IFT81: variants seen among roughly 807,000 people sequenced by gnomAD.
IFT81 encodes the protein intraflagellar transport 81, also known as intraflagellar transport protein 81 homolog.
In IFT81, 72 loss-of-function variants were observed where a neutral mutation model predicts 102.6. The observed-to-expected ratio is 0.70, with a 90% confidence interval of 0.58 to 0.85. The LOEUF (loss-of-function observed/expected upper bound fraction) is 0.85. Among genes scored for constraint, IFT81 ranks in the 40% least tolerant of loss-of-function variants. IFT81 has a pLI of 0.00. For synonymous variants in IFT81, 237 were observed against 242.7 expected (o/e 0.98, Z 0.22); for missense variants, 723 against 787.3 (o/e 0.92, Z 0.98).
At chr12:110,191,146 T>G (rs1593356757) in intron 13 of IFT81, 98 bp downstream of exon 13, 1 of 1,074,360 alleles carries the variant, frequency 9.3e-7, no homozygotes, top group East Asian at 2.6e-5. Flanking sequence ...CCTGTTAATT[T>G]CTGCACATTA....
At chr12:110,159,026 T>A (rs2137425656) in intron 10 of IFT81, among the ~76,000 whole-genome samples, 1 of 152,310 alleles carries the variant, frequency 6.6e-6, no homozygotes, top group African/African-American at 2.4e-5. Context: ...CTGGCTGTGA[T>A]TTTTTTGATT....
In IFT81 at chr12:110,129,089, G is replaced by A. The variant is rs747422321; in HGVS notation, c.388G>A (p.Glu130Lys). The A allele has an allele frequency of 8.7e-6, 14 of 1,604,512 alleles. No individual in the cohort carries two copies. The highest frequency in any genetic ancestry group is 1.2e-5 in the Non-Finnish European group (14 of 1,177,466). ...RFLIKLEVPS[E>K]FLQDETVADT... Reference sequence around the variant, plus strand: ...TTTAATAAAACTTGAGGTACCAAGTGAGTTTCTTCAGGATGAAACTGTGGC... The same window carrying A: ...TTTAATAAAACTTGAGGTACCAAGTAAGTTTCTTCAGGATGAAACTGTGGC... The change falls in exon 4 of 19, where the codon GAG (glutamate) becomes AAG (lysine). Residue 130 changes from glutamate to lysine, a missense_variant. Transcript: ENST00000242591.
intron 13 of IFT81, among the ~76,000 whole-genome samples, chr12:110,192,000 G>A (rs1051042872): frequency 3.9e-5 from 6 of 151,902 alleles, no homozygotes; most frequent in Admixed American, 1.3e-4. Flanking sequence ...GTGAAATCCC[G>A]TCTCTACTAA....
At chr12:110,205,714 T>C (rs1163138788) in intron 17 of IFT81, 34 bp downstream of exon 17, 7 of 1,321,942 alleles carry the variant, frequency 5.3e-6, no homozygotes, top group African/African-American at 1.5e-5. Context: ...TTGAGATACT[T>C]AATATTTTCA....
rs184733222 is a variant in IFT81, at chr12:110,192,421, G to A, written c.1468-196G>A. ...TTACAGTCTTGAGAACTGACGTTTT[G>A]AATGATTAAATAGTATAGTATTCCA... is the stretch of plus-strand genomic sequence containing the variant. On this transcript the variant is annotated intron_variant, in intron 13 of 18. Transcript: ENST00000242591. 5.2e-3 allele frequency among the ~76,000 whole-genome samples: 798 copies of A among 152,200 alleles called. 11 individuals are homozygous for A. Among genetic ancestry groups the A allele is most frequent in the Non-Finnish European group, 4.4e-3 (299 of 68,014 alleles).
At chr12:110,182,101 C>G (rs1897329769) in intron 12 of IFT81, among the ~76,000 whole-genome samples, 1 of 152,130 alleles carries the variant, frequency 6.6e-6, no homozygotes, top group South Asian at 2.1e-4. Flanking sequence ...AGGGCACTCT[C>G]TGGAGAAAGG....
chr12:110,190,425 G>A (rs1897740443), intron 12 of IFT81, among the ~76,000 whole-genome samples: 1 of 151,952 alleles, frequency 6.6e-6, no homozygotes, highest in Non-Finnish European at 1.5e-5. Flanking sequence ...CCACCTTCTG[G>A]TTATACTATA....
intron 10 of IFT81, among the ~76,000 whole-genome samples, chr12:110,156,697 A>C (rs1315840023): frequency 1.3e-5 from 2 of 152,024 alleles, no homozygotes; most frequent in African/African-American, 2.4e-5. Context: ...GGGTTTTGCC[A>C]CGTTGGCCAG....
At chr12:110,127,611 C>A in intron 2 of IFT81, 87 bp downstream of exon 2, 1 of 1,166,108 alleles carries the variant, frequency 8.6e-7, no homozygotes, top group Non-Finnish European at 1.2e-6. Context: ...CATTATTTAA[C>A]CTCTCTGAGC....
intron 14 of IFT81, among the ~76,000 whole-genome samples, chr12:110,199,549 A>G (rs1898166382): frequency 6.6e-6 from 1 of 152,154 alleles, no homozygotes; most frequent in African/African-American, 2.4e-5. Flanking sequence ...TTTGCGACCA[A>G]AAAAAGGATT....
At chr12:110,188,039 A>T (rs1897615683) in intron 12 of IFT81, among the ~76,000 whole-genome samples, 1 of 151,966 alleles carries the variant, frequency 6.6e-6, no homozygotes, top group South Asian at 2.1e-4. Context: ...CTCTTTAATA[A>T]CCTATCTGCT....
At chr12:110,215,776 A>G (rs1402446414) in intron 18 of IFT81, among the ~76,000 whole-genome samples, 1 of 151,820 alleles carries the variant, frequency 6.6e-6, no homozygotes, top group African/African-American at 2.4e-5. Context: ...TCAATTTGCC[A>G]TAATATAGAA....
chr12:110,159,678 A>G (rs1896035876), intron 10 of IFT81, among the ~76,000 whole-genome samples: 1 of 152,172 alleles, frequency 6.6e-6, no homozygotes. Flanking sequence ...GACTTGCAAT[A>G]ATGGTGGAAG....
chr12:110,143,471 G>A lies in IFT81; in HGVS notation c.871G>A (p.Glu291Lys). 1 of 1,549,712 alleles carries A rather than the reference G, an allele frequency of 6.5e-7. No individual in the cohort carries two copies. The highest frequency in any genetic ancestry group is 8.6e-7 in the Non-Finnish European group (1 of 1,158,866). ...TAAAGAATTAGAAAATAAGAAAAAG[G>A]AATTACATTTTTTACAAAAAGTAGT... ...FPKELENKKK[E>K]LHFLQKVVSE... Residue 291 changes from glutamate (E) to lysine (K), a missense_variant, in exon 9 of 19, where the codon GAA becomes AAA. Glu to Lys is a moderately conservative substitution (Grantham distance 56, BLOSUM62 1). Transcript: ENST00000242591.
At chr12:110,128,386 A>G (rs945065636) in intron 3 of IFT81, among the ~76,000 whole-genome samples, 2 of 149,510 alleles carry the variant, frequency 1.3e-5, no homozygotes, top group Admixed American at 6.8e-5. Context: ...TTTATCCTTT[A>G]TCTGCCATCC....
rs1870449742 is a variant in IFT81, at chr12:110,218,697, G to A, written c.*471G>A. On this transcript the variant is annotated 3_prime_UTR_variant, in exon 19 of 19. Transcript: ENST00000242591. ...TCAGTTTATTTTTCTTCTGTAAAAT[G>A]CAAGAAAATTTAATATTTTGACTAA... The A allele has an allele frequency of 6.6e-6, 1 of 152,200 alleles. No individual in the cohort carries two copies. The highest frequency in any genetic ancestry group is 2.4e-5 in the African/African-American group (1 of 41,418). 9.4% of individuals were successfully genotyped at this position (152,200 alleles called of 1,614,324 possible). A position where few individuals can be genotyped will look rare whatever the true frequency, so the allele number is the denominator to read the frequency against.
chr12:110,186,608 GGC>G (rs1265340333), intron 12 of IFT81, among the ~76,000 whole-genome samples: 1 of 151,732 alleles, frequency 6.6e-6, no homozygotes, highest in Admixed American at 6.6e-5. Context: ...CTACTTCCTG[GGC>G]TCAGGCGATT....
intron 9 of IFT81, among the ~76,000 whole-genome samples, chr12:110,145,051 T>TTA (rs1895136207): frequency 6.8e-6 from 1 of 147,058 alleles, no homozygotes; most frequent in African/African-American, 2.5e-5. Context: ...TTTTTTTTTT[T>TTA]ACACGGAGTC....
intron 8 of IFT81, among the ~76,000 whole-genome samples, chr12:110,138,656 C>G (rs1021589916): frequency 6.6e-6 from 1 of 152,186 alleles, no homozygotes; most frequent in African/African-American, 2.4e-5. Flanking sequence ...TGGTCTTGAA[C>G]TCCCGACCTC....
Sources: allele counts gnomAD v4.1 joint callset (sites outside exome capture counted in the v4.1 genomes callset), GRCh38; gene constraint gnomAD v4.1.1; transcripts MANE v1.5; gene names NCBI Gene and HGNC (gene_info 2026-07-23, HGNC 2026-07-21).